Variants in SGPP2 observed in about 807,000 individuals in gnomAD.
SGPP2 encodes sphingosine 1-phosphate phosphohydrolase 2.
SGPP2 carries 30 observed loss-of-function variants against 33.9 expected under a neutral mutation model. That is an observed-to-expected ratio of 0.89 (90% CI 0.66 to 1.20). The LOEUF (loss-of-function observed/expected upper bound fraction) is 1.20. SGPP2 is among the 50% of genes most tolerant of loss of function. SGPP2 has a pLI of 0.00. For missense variants in SGPP2, 458 were observed against 532.1 expected, an observed-to-expected ratio of 0.86 and a Z score of 1.37; for synonymous variants, 233 against 225.0, an observed-to-expected ratio of 1.04 and a Z score of -0.32.
intron 2 of SGPP2, among the ~76,000 whole-genome samples, chr2:222,497,935 A>G (rs1473167722): frequency 1.3e-5 from 2 of 152,030 alleles, no homozygotes; most frequent in African/African-American, 4.8e-5. Flanking sequence ...CCCCTGGGGG[A>G]GAGAGTCCCA....
intron 4 of SGPP2, among the ~76,000 whole-genome samples, chr2:222,531,265 A>G (rs932872031): frequency 6.6e-6 from 1 of 152,232 alleles, no homozygotes; most frequent in Non-Finnish European, 1.5e-5. Flanking sequence ...TGTAAAAAAC[A>G]CAGTATCTGC....
At chr2:222,438,617 A>G (rs1393186749) in intron 1 of SGPP2, among the ~76,000 whole-genome samples, 1 of 152,236 alleles carries the variant, frequency 6.6e-6, no homozygotes, top group Non-Finnish European at 1.5e-5. Context: ...TAATTTGCTC[A>G]AGCAATGAAA....
chr2:222,549,877 TCTTTTC>T (rs1689261780), intron 4 of SGPP2, among the ~76,000 whole-genome samples: 1 of 151,398 alleles, frequency 6.6e-6, no homozygotes, highest in African/African-American at 2.4e-5. Context: ...TCTTTTCTTT[TCTTTTC>T]TTTTTTTTTT....
chr2:222,462,169 G>A (rs1421699950), intron 1 of SGPP2, among the ~76,000 whole-genome samples: 1 of 152,048 alleles, frequency 6.6e-6, no homozygotes, highest in Admixed American at 6.5e-5. Flanking sequence ...AGCAAACATC[G>A]TAAGGCCAAG....
At chr2:222,520,064 G>A (rs911680823) in intron 2 of SGPP2, among the ~76,000 whole-genome samples, 1 of 152,174 alleles carries the variant, frequency 6.6e-6, no homozygotes, top group African/African-American at 2.4e-5. Context: ...CAGTAGCTCT[G>A]ATTTTAAGTT....
chr2:222,429,649 C>G lies in SGPP2; in HGVS notation c.219+4828C>G, dbSNP rs143418615. 1.1e-3 allele frequency among the ~76,000 whole-genome samples: 161 copies of G among 152,274 alleles called. 1 individual carries two copies. The highest frequency in any genetic ancestry group is 3.8e-3 in the African/African-American group (156 of 41,546). On this transcript the variant is annotated intron_variant, in intron 1 of 4. Transcript: ENST00000321276. Reference sequence around the variant, plus strand: ...GATGGATATACTGTAATTTAGTCAGCTAGGTGCTGTGCTTTTGGTTTGTTT... The same window carrying G: ...GATGGATATACTGTAATTTAGTCAGGTAGGTGCTGTGCTTTTGGTTTGTTT...
chr2:222,479,580 T>C (rs1431471276), intron 2 of SGPP2, among the ~76,000 whole-genome samples: 1 of 151,756 alleles, frequency 6.6e-6, no homozygotes, highest in Non-Finnish European at 1.5e-5. Flanking sequence ...TTTTTTGTAT[T>C]TTTTAGTAGA....
chr2:222,433,303 AATTAT>A (rs2106058333), intron 1 of SGPP2, among the ~76,000 whole-genome samples: 1 of 152,166 alleles, frequency 6.6e-6, no homozygotes, highest in African/African-American at 2.4e-5. Flanking sequence ...GTTCTTGAGG[AATTAT>A]ATTATAAACC....
At chr2:222,483,574 GTAT>G (rs1421473278) in intron 2 of SGPP2, among the ~76,000 whole-genome samples, 1 of 152,266 alleles carries the variant, frequency 6.6e-6, no homozygotes, top group East Asian at 1.9e-4. Flanking sequence ...AGAGTTTAGG[GTAT>G]TATTTTATGC....
chr2:222,459,916 TCA>T lies in SGPP2; in HGVS notation c.220-14647_220-14646del, dbSNP rs376335258. On this transcript the variant is annotated intron_variant, in intron 1 of 4. Transcript: ENST00000321276. ...GATGCACCAGGGTCATTGGTTCTGG[TCA>T]CACAGCACTTTCTGGAAACTGCATT... Among the ~76,000 whole-genome samples the T allele has an allele frequency of 1.7e-3, 253 of 152,300 alleles. 2 individuals carry two copies. In the Middle Eastern group the frequency reaches 0.017, roughly 10 times the overall value.
At chr2:222,538,400 A>G (rs1204308090) in intron 4 of SGPP2, among the ~76,000 whole-genome samples, 1 of 152,190 alleles carries the variant, frequency 6.6e-6, no homozygotes, top group Non-Finnish European at 1.5e-5. Flanking sequence ...ATAAACTCTA[A>G]AGAGACTCTA....
intron 1 of SGPP2, chr2:222,453,102 A>T: frequency 1.2e-6 from 1 of 852,130 alleles, no homozygotes; most frequent in Non-Finnish European, 1.9e-6. Context: ...GACTGGTAGG[A>T]GAATCAGGAC....
At chr2:222,434,559 C>T (rs1183589247) in intron 1 of SGPP2, among the ~76,000 whole-genome samples, 1 of 152,218 alleles carries the variant, frequency 6.6e-6, no homozygotes, top group Non-Finnish European at 1.5e-5. Flanking sequence ...TGCTCATTGG[C>T]AGTGCTATAC....
chr2:222,519,548 CAATT>C (rs1249019321), intron 2 of SGPP2, among the ~76,000 whole-genome samples: 1 of 152,134 alleles, frequency 6.6e-6, no homozygotes, highest in Non-Finnish European at 1.5e-5. Context: ...TATGGACATC[CAATT>C]CTTTTTTAAA....
chr2:222,459,516 G>A (rs1697626558), intron 1 of SGPP2, among the ~76,000 whole-genome samples: 1 of 152,028 alleles, frequency 6.6e-6, no homozygotes, highest in Non-Finnish European at 1.5e-5. Flanking sequence ...AACCAAAGCA[G>A]CCTCCATTTC....
chr2:222,452,732 G>A, intron 1 of SGPP2: 1 of 1,405,988 alleles, frequency 7.1e-7, no homozygotes, highest in South Asian at 1.2e-5. Flanking sequence ...ACATTGGAAG[G>A]TTTCCAGTCG....
chr2:222,513,305 T>C (rs993848206), intron 2 of SGPP2, among the ~76,000 whole-genome samples: 3 of 152,230 alleles, frequency 2.0e-5, no homozygotes. Flanking sequence ...ACTTCTTTTT[T>C]CTTAAAGCAT....
In SGPP2 at chr2:222,476,851, T is replaced by A. The variant is rs1697942975; in HGVS notation, c.378+2125T>A. ...GTATATGTGTATGTGTGTATATAGGTGTGTATATGTGTATATATAGGTGTG... is the reference window on the plus strand; with the variant it reads ...GTATATGTGTATGTGTGTATATAGGAGTGTATATGTGTATATATAGGTGTG... On this transcript the variant is annotated intron_variant, in intron 2 of 4. Transcript: ENST00000321276. The surrounding 1 kb of genome is among the most constrained non-coding windows in gnomAD (Gnocchi z 4.3). 6.6e-6 allele frequency among the ~76,000 whole-genome samples: 1 copy of A among 151,112 alleles called. No homozygotes were observed. The highest frequency in any genetic ancestry group is 1.5e-5 in the Non-Finnish European group (1 of 67,934).
chr2:222,430,357 A>C (rs572884018), intron 1 of SGPP2, among the ~76,000 whole-genome samples: 16 of 152,374 alleles, frequency 1.1e-4, no homozygotes, highest in African/African-American at 3.6e-4. Flanking sequence ...CTACTTAAAA[A>C]GGGTGATCGA....
Sources: allele counts gnomAD v4.1 joint callset (sites outside exome capture counted in the v4.1 genomes callset), GRCh38; gene constraint gnomAD v4.1.1; non-coding constraint Gnocchi (gnomAD v3.1); transcripts MANE v1.5; gene names NCBI Gene and HGNC (gene_info 2026-07-23, HGNC 2026-07-21).